RECK: variants seen among roughly 807,000 people sequenced by gnomAD.
The protein encoded by RECK is reversion inducing cysteine rich protein with kazal motifs, also known as reversion-inducing cysteine-rich protein with Kazal motifs.
In RECK, 69 loss-of-function variants were observed where a neutral mutation model predicts 115.1. The ratio of observed to expected loss-of-function variants is 0.60; its 90% CI spans 0.49 to 0.73. The LOEUF (loss-of-function observed/expected upper bound fraction) is 0.73, where lower values mean the gene tolerates loss of function less well. Among genes scored for constraint, RECK ranks in the 30% least tolerant of loss-of-function variants. The probability of loss-of-function intolerance (pLI) is 0.00; values close to 1 mark genes in which losing one functional copy is unlikely to be tolerated. For missense variants in RECK, 1,047 were observed against 1,203.7 expected, an observed-to-expected ratio of 0.87 and a Z score of 1.93; for synonymous variants, 414 against 419.7, an observed-to-expected ratio of 0.99 and a Z score of 0.17.
Position 36,083,566 on chromosome 9 carries a change from AG to A in RECK, c.637+5del. 1 of 1,610,838 alleles carries A rather than the reference AG, an allele frequency of 6.2e-7. No homozygotes were observed. Among genetic ancestry groups the A allele is most frequent in the Non-Finnish European group, 8.5e-7 (1 of 1,177,946 alleles). ...CCAATGAGGAACCCAACGGATAGTA[AG>A]TAAAAGGGACATATTCTTCTCATTT... On this transcript the variant is annotated splice_donor_5th_base_variant and intron_variant, in intron 8 of 20. Transcript: ENST00000377966.
intron 16 of RECK, among the ~76,000 whole-genome samples, chr9:36,116,760 C>T (rs577934931): frequency 3.3e-5 from 5 of 152,322 alleles, no homozygotes; most frequent in South Asian, 2.1e-4. Flanking sequence ...GCTCCCCAGA[C>T]GAGAATGACT....
In RECK at chr9:36,102,135, A is replaced by G. The variant is rs752015474; in HGVS notation, c.1340A>G (p.Asn447Ser). The change falls in exon 12 of 21, where the codon AAC becomes AGC. Residue 447 changes from asparagine to serine, a missense_variant. By Grantham distance (46) the Asn-to-Ser change is conservative. Coordinates refer to ENST00000377966, the MANE Select transcript of RECK (RefSeq NM_021111.3). ...VEILKKCGDQ[N>S]KFPEDHTAES... Reference sequence around the variant, plus strand: ...ATTCTTAAAAAATGTGGAGACCAGAACAAATTCCCTGAAGACCACACAGCT... The same window carrying G: ...ATTCTTAAAAAATGTGGAGACCAGAGCAAATTCCCTGAAGACCACACAGCT... 6.8e-6 allele frequency: 11 copies of G among 1,613,996 alleles called. No homozygotes were observed. Among genetic ancestry groups the G allele is most frequent in the South Asian group, 4.4e-5 (4 of 91,032 alleles).
intron 2 of RECK, among the ~76,000 whole-genome samples, chr9:36,052,698 A>G (rs1821355418): frequency 6.6e-6 from 1 of 152,134 alleles, no homozygotes; most frequent in African/African-American, 2.4e-5. Flanking sequence ...TTTGAGGAAT[A>G]TTCCTCAAAA....
intron 9 of RECK, among the ~76,000 whole-genome samples, chr9:36,089,967 T>TACAC (rs55678229): frequency 0.018 from 2,539 of 143,854 alleles, 38 homozygotes; most frequent in African/African-American, 0.033. Context: ...CTACTAAAAA[T>TACAC]ACACACACAC....
chr9:36,098,241 G>C (rs1279244876), intron 10 of RECK, among the ~76,000 whole-genome samples: 4 of 152,156 alleles, frequency 2.6e-5, no homozygotes, highest in Non-Finnish European at 5.9e-5. Context: ...AAAATTATAA[G>C]TATGTGAGGT....
At chr9:36,040,375 G>A (rs538570367) in intron 1 of RECK, among the ~76,000 whole-genome samples, 51 of 152,136 alleles carry the variant, frequency 3.4e-4, no homozygotes, top group Non-Finnish European at 5.9e-4. Context: ...AGAAGGTGGT[G>A]GGTAGTCTTA....
At chr9:36,120,051 G>A (rs918691302) in intron 18 of RECK, among the ~76,000 whole-genome samples, 6 of 151,952 alleles carry the variant, frequency 3.9e-5, no homozygotes, top group African/African-American at 1.5e-4. Context: ...TGACTAACAC[G>A]GTGAAACCCT....
At chr9:36,084,714 G>A (rs1251973154) in intron 8 of RECK, among the ~76,000 whole-genome samples, 2 of 141,710 alleles carry the variant, frequency 1.4e-5, no homozygotes, top group African/African-American at 5.0e-5. Context: ...GGAAGGAAGG[G>A]ATGAAGGGAG....
chr9:36,084,396 A>AG (rs1004925500), intron 8 of RECK, among the ~76,000 whole-genome samples: 1 of 151,842 alleles, frequency 6.6e-6, no homozygotes, highest in African/African-American at 2.4e-5. Flanking sequence ...GTCTAAAAAA[A>AG]CAAAACAAAA....
intron 1 of RECK, among the ~76,000 whole-genome samples, chr9:36,041,522 CA>C (rs1167285265): frequency 1.3e-5 from 2 of 152,098 alleles, no homozygotes; most frequent in Non-Finnish European, 2.9e-5. Context: ...CTCTAAGGAA[CA>C]AAACCCAAAA....
intron 17 of RECK, among the ~76,000 whole-genome samples, chr9:36,117,862 C>T (rs1288427187): frequency 6.6e-6 from 1 of 152,164 alleles, no homozygotes; most frequent in African/African-American, 2.4e-5. Context: ...TGCCTGTAAT[C>T]CCAGCTACTC....
At chr9:36,060,019 G>A (rs1205113301) in intron 3 of RECK, 100 bp from the exon 4 acceptor site, 1 of 1,055,500 alleles carries the variant, frequency 9.5e-7, no homozygotes, top group Non-Finnish European at 1.5e-6. Context: ...TGTAGACATA[G>A]CCATAATCAA....
chr9:36,119,608 A>C (rs1288509948), intron 18 of RECK, among the ~76,000 whole-genome samples: 1 of 152,198 alleles, frequency 6.6e-6, no homozygotes, highest in Admixed American at 6.5e-5. Flanking sequence ...TCCATCCGTT[A>C]ATTCATCAAA....
At chr9:36,039,589 G>A (rs7043974) in intron 1 of RECK, among the ~76,000 whole-genome samples, 3,875 of 152,232 alleles carry the variant, frequency 0.025, 171 homozygotes, top group African/African-American at 0.087. Context: ...GGATGAGAAG[G>A]GACCCTATCC....
At chr9:36,109,379 T>C (rs1823943960) in intron 14 of RECK, among the ~76,000 whole-genome samples, 1 of 152,196 alleles carries the variant, frequency 6.6e-6, no homozygotes, top group Non-Finnish European at 1.5e-5. Flanking sequence ...GGTCTGGCCC[T>C]GGACAGATGA....
intron 17 of RECK, 125 bp from the exon 18 acceptor site, chr9:36,118,632 G>A: frequency 1.1e-6 from 1 of 878,778 alleles, no homozygotes; most frequent in Middle Eastern, 2.8e-4. Context: ...GAACTTAAGA[G>A]GTCCTCATAA....
Position 36,052,281 on chromosome 9 carries a change from T to C in RECK, c.117T>C (p.Asn39=). ...TCTCCCTAGGTGCATTGTGTTGTAA[T>C]CATTCAAAGGATAACCAAATGTGCC... ...APGSAGALCC[N]HSKDNQMCRD... The change falls in exon 2 of 21, where the codon AAT becomes AAC. Residue 39 remains asparagine, a synonymous_variant. Transcript: ENST00000377966. The C allele has an allele frequency of 1.9e-6, 3 of 1,608,774 alleles. No homozygotes were observed. Among genetic ancestry groups the C allele is most frequent in the Non-Finnish European group, 2.6e-6 (3 of 1,175,332 alleles).
At chr9:36,105,440 T>G (rs970640550) in intron 13 of RECK, among the ~76,000 whole-genome samples, 157 bp downstream of exon 13, 2 of 152,246 alleles carry the variant, frequency 1.3e-5, no homozygotes, top group African/African-American at 4.8e-5. Flanking sequence ...ATTATGTTTT[T>G]CTATAATGTT....
At chr9:36,121,127 C>A (rs886721308) in intron 19 of RECK, among the ~76,000 whole-genome samples, 3 of 152,218 alleles carry the variant, frequency 2.0e-5, no homozygotes, top group African/African-American at 7.2e-5. Flanking sequence ...TCTTCTGGAG[C>A]CCTGCCCGTT....
Sources: gnomAD v4.1 joint callset for allele counts (sites outside exome capture counted in the v4.1 genomes callset) on GRCh38, gnomAD v4.1.1 for gene constraint, MANE v1.5 for transcripts, NCBI Gene and HGNC (gene_info 2026-07-23, HGNC 2026-07-21) for gene names.